The following CLASP2 variants were observed in gnomAD, a reference collection of about 807,000 sequenced individuals.
CLASP2 encodes CLIP-associating protein 2.
In CLASP2, 47 loss-of-function variants were observed where a neutral mutation model predicts 194.4. That is an observed-to-expected ratio of 0.24 (90% CI 0.19 to 0.31). CLASP2 has a LOEUF of 0.31. Among genes scored for constraint, CLASP2 ranks in the 10% least tolerant of loss-of-function variants. The pLI, the probability that CLASP2 is intolerant of heterozygous loss-of-function variation, is 1.00. For synonymous variants in CLASP2, 619 were observed against 633.5 expected (o/e 0.98, Z 0.34); for missense variants, 1,445 against 1,823.6 (o/e 0.79, Z 3.78).
chr3:33,528,220 A>G (rs1162096613), intron 34 of CLASP2, among the ~76,000 whole-genome samples: 2 of 152,174 alleles, frequency 1.3e-5, no homozygotes, highest in African/African-American at 4.8e-5. Flanking sequence ...ACACAAAAAA[A>G]GACTTGACAA....
rs116511991 is a variant in CLASP2 at position 33,643,609 on chromosome 3, A to T, written c.862+1148T>A. The stretch of plus-strand genomic sequence containing the variant: ...ATTTCAGCTATTTAGTTATATGTGC[A>T]TCTATATATATATTTATACACCCAT... On this transcript the variant is annotated intron_variant, in intron 8 of 38. Transcript: ENST00000682230. Among the ~76,000 whole-genome samples, 1,282 of 152,146 alleles carry T rather than the reference A, an allele frequency of 8.4e-3. 21 individuals are homozygous for T. Among genetic ancestry groups the T allele is most frequent in the African/African-American group, 0.028 (1,158 of 41,582 alleles).
intron 9 of CLASP2, among the ~76,000 whole-genome samples, chr3:33,630,826 A>AT (rs1442512435): frequency 2.6e-5 from 4 of 152,202 alleles, no homozygotes; most frequent in African/African-American, 9.6e-5. Context: ...TGACAAGAAC[A>AT]TATCAAACAA....
At chr3:33,621,968 G>C (rs2077185394) in intron 11 of CLASP2, among the ~76,000 whole-genome samples, 167 bp downstream of exon 11, 1 of 151,880 alleles carries the variant, frequency 6.6e-6, no homozygotes. Flanking sequence ...GAGCTGTTAA[G>C]GAATTTTTTA....
intron 6 of CLASP2, among the ~76,000 whole-genome samples, chr3:33,665,075 C>T (rs769008501): frequency 7.3e-5 from 11 of 151,638 alleles, no homozygotes; most frequent in Non-Finnish European, 1.5e-4. Flanking sequence ...CACACTCCAG[C>T]CTGGGTGACA....
chr3:33,506,942 T>TC (rs1340432651), intron 37 of CLASP2, among the ~76,000 whole-genome samples: 1 of 148,652 alleles, frequency 6.7e-6, no homozygotes, highest in Non-Finnish European at 1.5e-5. Flanking sequence ...ATTAGATTCT[T>TC]TTTTTTTTTT....
intron 6 of CLASP2, among the ~76,000 whole-genome samples, chr3:33,670,785 G>A (rs2154337660): frequency 6.6e-6 from 1 of 152,310 alleles, no homozygotes; most frequent in South Asian, 2.1e-4. Flanking sequence ...TCATGGTGGT[G>A]CAGAGGGAGA....
chr3:33,609,217 T>A (rs1233259703), intron 13 of CLASP2, among the ~76,000 whole-genome samples: 3 of 150,642 alleles, frequency 2.0e-5, no homozygotes, highest in Non-Finnish European at 3.0e-5. Context: ...GAAGCGGAGG[T>A]TGCAGTGAGC....
chr3:33,653,813 A>T (rs2083641849), intron 7 of CLASP2, among the ~76,000 whole-genome samples: 1 of 152,096 alleles, frequency 6.6e-6, no homozygotes, highest in Admixed American at 6.6e-5. Context: ...TTATAATACT[A>T]TTTCTGGGTA....
intron 7 of CLASP2, among the ~76,000 whole-genome samples, chr3:33,660,273 A>G (rs992059979): frequency 2.6e-5 from 4 of 152,170 alleles, no homozygotes; most frequent in African/African-American, 7.2e-5. Flanking sequence ...TTTCTTTCCT[A>G]CAGGGCTGGT....
intron 26 of CLASP2, among the ~76,000 whole-genome samples, chr3:33,567,143 TTC>T (rs2062888205): frequency 2.0e-5 from 3 of 152,230 alleles, no homozygotes; most frequent in African/African-American, 4.8e-5. Context: ...TTCCTTTCTT[TTC>T]TCTTTTTTTT....
chr3:33,589,153 T>C (rs1371826848), intron 21 of CLASP2, among the ~76,000 whole-genome samples: 1 of 152,148 alleles, frequency 6.6e-6, no homozygotes, highest in Non-Finnish European at 1.5e-5. Flanking sequence ...AAATGTCATC[T>C]TTCTTAAGAT....
intron 29 of CLASP2, chr3:33,559,044 G>T (rs2154175676): frequency 1.9e-6 from 1 of 537,686 alleles, no homozygotes; most frequent in Non-Finnish European, 3.4e-6. Context: ...GGCTTACAAA[G>T]GTTAGTAGTT....
At chr3:33,663,030 G>A (rs2085536123) in intron 7 of CLASP2, among the ~76,000 whole-genome samples, 1 of 151,796 alleles carries the variant, frequency 6.6e-6, no homozygotes, top group South Asian at 2.1e-4. Context: ...ATCTATTATA[G>A]TCTGTACACA....
At chr3:33,605,436 C>T (rs1461436644) in intron 16 of CLASP2, among the ~76,000 whole-genome samples, 1 of 152,098 alleles carries the variant, frequency 6.6e-6, no homozygotes, top group African/African-American at 2.4e-5. Context: ...ATCATAACTG[C>T]TTTTACTCTG....
chr3:33,632,713 T>C (rs1296515664), intron 8 of CLASP2, among the ~76,000 whole-genome samples: 1 of 152,188 alleles, frequency 6.6e-6, no homozygotes, highest in Non-Finnish European at 1.5e-5. Context: ...AAAATGACAC[T>C]AAATGTCAAT....
chr3:33,618,982 T>C (rs1339815131), intron 12 of CLASP2, among the ~76,000 whole-genome samples: 1 of 152,176 alleles, frequency 6.6e-6, no homozygotes, highest in Non-Finnish European at 1.5e-5. Flanking sequence ...TAAACCTACA[T>C]GGTATAGCCT....
Position 33,544,683 on chromosome 3 carries a change from A to G in CLASP2, c.3297+15T>C. The G allele has an allele frequency of 6.2e-7, 1 of 1,603,374 alleles. No individual in the cohort carries two copies. The highest frequency in any genetic ancestry group is 8.5e-7 in the Non-Finnish European group (1 of 1,175,912). The stretch of plus-strand genomic sequence containing the variant: ...ATCACATTATATGATAGCCAAGAAA[A>G]TAAGTAACAATTACCTGGGTTCCAT... On this transcript the variant is annotated intron_variant, in intron 31 of 38. Coordinates refer to ENST00000682230, the MANE Select transcript of CLASP2 (RefSeq NM_001365631.1).
chr3:33,610,517 A>G (rs2154264781), intron 13 of CLASP2, among the ~76,000 whole-genome samples: 1 of 152,280 alleles, frequency 6.6e-6, no homozygotes, highest in Non-Finnish European at 1.5e-5. Flanking sequence ...AGGCAATTCT[A>G]TGGTACATTT....
At chr3:33,657,955 T>C (rs1054268715) in intron 7 of CLASP2, among the ~76,000 whole-genome samples, 3 of 152,182 alleles carry the variant, frequency 2.0e-5, no homozygotes, top group Non-Finnish European at 4.4e-5. Flanking sequence ...CCTCCATATA[T>C]GGACCAGTCT....
Sources: gnomAD v4.1 joint callset for allele counts (sites outside exome capture counted in the v4.1 genomes callset) on GRCh38, gnomAD v4.1.1 for gene constraint, MANE v1.5 for transcripts, NCBI Gene and HGNC (gene_info 2026-07-23, HGNC 2026-07-21) for gene names.